FGA: variants seen among roughly 807,000 people sequenced by gnomAD.
The protein encoded by FGA is fibrinogen, A alpha polypeptide.
In FGA, 20 loss-of-function variants were observed where a neutral mutation model predicts 20.3. That is an observed-to-expected ratio of 0.99 (90% CI 0.69 to 1.43). The LOEUF is 1.43. FGA is among the 40% of genes most tolerant of loss of function. FGA has a pLI of 0.00. For missense variants in FGA, 777 were observed against 784.7 expected (o/e 0.99, Z 0.12); for synonymous variants, 306 against 281.6 (o/e 1.09, Z -0.87).
At chr4:154,589,392 G>C in intron 2 of FGA, 45 bp downstream of exon 2, 4 of 1,608,562 alleles carry the variant, frequency 2.5e-6, no homozygotes, top group Non-Finnish European at 3.4e-6. Flanking sequence ...AGCCCCTCTA[G>C]CATCAGAGGG....
At chr4:154,584,133 CA>C (rs1475573521), downstream of FGA, 2 of 1,613,540 alleles carry the variant, frequency 1.2e-6, no homozygotes, top group Admixed American at 3.3e-5. Context: ...CCTATTGGGT[CA>C]CAAGGGGCCT....
chr4:154,590,517 T>C, intron 1 of FGA, 117 bp downstream of exon 1: 10 of 890,924 alleles, frequency 1.1e-5, no homozygotes, highest in Non-Finnish European at 1.8e-5. Flanking sequence ...CTCCCAGGCC[T>C]GGGGTCATAA....
At position 154,590,672 on chromosome 4, in the gene FGA, T is replaced by C. The variant is rs2070025; in HGVS notation, c.16A>G (p.Ile6Val). The change falls in exon 1 of 5, where the codon ATC (isoleucine) becomes GTC (valine). Residue 6 changes from isoleucine (I) to valine (V), a missense_variant. Ile to Val is a conservative substitution (Grantham distance 29, BLOSUM62 3). Coordinates refer to ENST00000403106, the MANE Select transcript of FGA (RefSeq NM_021871.4). ...ACCACACTTAGGACCAGGCAGACGATCCTCATGGAAAACATCTTTTCTAAG... is the reference window on the plus strand; with the variant it reads ...ACCACACTTAGGACCAGGCAGACGACCCTCATGGAAAACATCTTTTCTAAG... MFSMR[I>V]VCLVLSVVGT... The C allele has an allele frequency of 2.8e-3, 4,371 of 1,557,848 alleles. 193 individuals are homozygous for C. The East Asian group carries it at 0.087, about 31-fold the overall frequency.
rs1262381573 is a variant in FGA, at chr4:154,586,382, A to G, written c.1047T>C (p.Pro349=). 6.2e-7 allele frequency: 1 copy of G among 1,614,050 alleles called. No individual in the cohort carries two copies. The highest frequency in any genetic ancestry group is 1.1e-5 in the South Asian group (1 of 91,090). The stretch of plus-strand genomic sequence containing the variant: ...CGGTACTACCAGGTCTAGGGCTCCC[A>G]GGGTTTTGGTTTCCAGTACTTCCAG... The part of the protein sequence containing the change: ...SGTGSTGNQN[P]GSPRPGSTGT... The change falls in exon 5 of 5, where the codon CCT becomes CCC. Residue 349 remains proline (P), a synonymous_variant. Coordinates refer to ENST00000403106, the MANE Select transcript of FGA (RefSeq NM_021871.4).
In FGA at chr4:154,586,037, G is replaced by A. The variant is rs779394316; in HGVS notation, c.1392C>T (p.Thr464=). 3.1e-6 allele frequency: 5 copies of A among 1,613,990 alleles called. No homozygotes were observed. Among genetic ancestry groups the A allele is most frequent in the East Asian group, 2.2e-5 (1 of 44,886 alleles). ...CAGGACCAATAACAGTCTTAGTAAC[G>A]GTTTTAGAGCATGAACGACGCGTGG... The part of the protein sequence containing the change: ...TTTTRRSCSK[T]VTKTVIGPDG... Residue 464 remains threonine, a synonymous_variant, in exon 5 of 5, where the codon ACC becomes ACT. Transcript: ENST00000403106.
intron 2 of FGA, 36 bp downstream of exon 2, chr4:154,589,401 G>C (rs1395702233): frequency 1.2e-6 from 2 of 1,612,680 alleles, no homozygotes; most frequent in African/African-American, 2.7e-5. Flanking sequence ...AGCATCAGAG[G>C]GAAGGAATCT....
intron 4 of FGA, 31 bp from the exon 5 acceptor site, chr4:154,586,949 A>G (rs1200419296): frequency 2.5e-6 from 4 of 1,600,872 alleles, no homozygotes; most frequent in Admixed American, 3.3e-5. Context: ...TAAAGAGAAA[A>G]TGTAGATACA....
At chr4:154,584,094 A>ACAGAGTGCTCCCATTCCCACTTCGAAGT, downstream of FGA, 3 of 1,546,384 alleles carry the variant, frequency 1.9e-6, no homozygotes, top group Non-Finnish European at 2.7e-6. Flanking sequence ...AGCAAAGAAG[A>ACAGAGTGCTCCCATTCCCACTTCGAAGT]CAGAGTGCTC....
rs960708731 is a variant in FGA, at chr4:154,586,544, C to T, written c.885G>A (p.Trp295Ter). The change falls in exon 5 of 5, where the codon TGG (tryptophan) becomes TGA (stop). Residue 295 changes from tryptophan to a stop codon, truncating the protein, a stop_gained. Transcript: ENST00000403106. LOFTEE classifies it low-confidence loss of function (END_TRUNC). ...SPRNPSSAGS[W>*]NSGSSGPGST... is the part of the protein sequence containing the mutation. ...TTCCAGGTCCAGAGCTCCCAGAGTT[C>T]CAGCTTCCAGCACTGCTAGGGTTCC... is the stretch of plus-strand genomic sequence containing the variant. 1.9e-6 allele frequency: 3 copies of T among 1,614,050 alleles called. No homozygotes were observed. Among genetic ancestry groups the T allele is most frequent in the Non-Finnish European group, 1.7e-6 (2 of 1,180,028 alleles).
chr4:154,588,845 C>A lies in FGA; in HGVS notation c.312G>T (p.Ser104=), dbSNP rs201709083. 6.2e-7 allele frequency: 1 copy of A among 1,612,060 alleles called. No homozygotes were observed. Residue 104 remains serine, a synonymous_variant, in exon 3 of 5, where the codon TCG becomes TCT. Coordinates refer to ENST00000403106, the MANE Select transcript of FGA (RefSeq NM_021871.4). The part of the protein sequence containing the change: ...EYQKNNKDSH[S]LTTNIMEILR... The stretch of plus-strand genomic sequence containing the variant: ...AAATTTCCATTATATTAGTGGTCAA[C>A]GAATGAGAATCCTTATTGTTCTTCT...
chr4:154,583,655 A>G (rs1334276280), downstream of FGA: 1 of 157,972 alleles, frequency 6.3e-6, no homozygotes, highest in Admixed American at 6.1e-5. Flanking sequence ...CATTGTAATT[A>G]TAAGTTGTAA....
downstream of FGA, chr4:154,584,565 C>G (rs1216711191): frequency 6.2e-7 from 1 of 1,614,122 alleles, no homozygotes; most frequent in African/African-American, 1.3e-5. Flanking sequence ...GAACAGAGCC[C>G]CTTTGGGTTA....
In FGA at chr4:154,585,664, A is replaced by G. The variant is rs767711736; in HGVS notation, c.1765T>C (p.Tyr589His). ...YSKQFTSSTS[Y>H]NRGDSTFESK... ...TCAAATGTGGAGTCTCCTCTGTTGTAACTCGTGCTACTAGTAAATTGTTTG... is the reference window on the plus strand; with the variant it reads ...TCAAATGTGGAGTCTCCTCTGTTGTGACTCGTGCTACTAGTAAATTGTTTG... Residue 589 changes from tyrosine (Y) to histidine (H), a missense_variant, in exon 5 of 5, where the codon TAC (tyrosine) becomes CAC (histidine). Tyr to His is a moderately conservative substitution (Grantham distance 83). Coordinates refer to ENST00000403106, the MANE Select transcript of FGA (RefSeq NM_021871.4). The G allele has an allele frequency of 6.2e-7, 1 of 1,614,158 alleles. No homozygotes were observed. The highest frequency in any genetic ancestry group is 8.5e-7 in the Non-Finnish European group (1 of 1,180,010).
downstream of FGA, chr4:154,584,256 AG>A: frequency 8.7e-6 from 14 of 1,614,126 alleles, no homozygotes; most frequent in Non-Finnish European, 1.2e-5. Context: ...AGGAGCCCCC[AG>A]GGTAGTAGAT....
chr4:154,583,695 A>G (rs1730639258), downstream of FGA: 1 of 173,524 alleles, frequency 5.8e-6, no homozygotes, highest in African/African-American at 2.4e-5. Context: ...CTATGGTTAG[A>G]TTCAGTGAGT....
In FGA at chr4:154,586,792, G is replaced by A. The variant is rs1237110626; in HGVS notation, c.637C>T (p.Leu213Phe). ...QLEQVIAKDL[L>F]PSRDRQHLPL... Reference sequence around the variant, plus strand: ...AAGTGTTGCCTATCTCTAGAGGGAAGTAAGTCTTTGGCAATGACCTGTTCA... The same window carrying A: ...AAGTGTTGCCTATCTCTAGAGGGAAATAAGTCTTTGGCAATGACCTGTTCA... The change falls in exon 5 of 5, where the codon CTT (leucine) becomes TTT (phenylalanine). Residue 213 changes from leucine (L) to phenylalanine (F), a missense_variant. Coordinates refer to ENST00000403106, the MANE Select transcript of FGA (RefSeq NM_021871.4). 2 of 1,614,020 alleles carry A rather than the reference G, an allele frequency of 1.2e-6. No homozygotes were observed. Among genetic ancestry groups the A allele is most frequent in the Non-Finnish European group, 1.7e-6 (2 of 1,180,018 alleles).
At chr4:154,584,526 C>T (rs1355889732), downstream of FGA, 4 of 1,614,078 alleles carry the variant, frequency 2.5e-6, no homozygotes, top group African/African-American at 5.3e-5. Context: ...AAGCTTCATT[C>T]CCAGCCCAGT....
chr4:154,583,628 T>C (rs189163227), downstream of FGA: 158 of 155,520 alleles, frequency 1.0e-3, no homozygotes, highest in Non-Finnish European at 2.0e-3. Context: ...AAATACATAT[T>C]GTAATTATAA....
At position 154,588,845 on chromosome 4, in the gene FGA, C is replaced by T. The variant is rs201709083; in HGVS notation, c.312G>A (p.Ser104=). 2.7e-5 allele frequency: 43 copies of T among 1,612,178 alleles called. No individual in the cohort carries two copies. The highest frequency in any genetic ancestry group is 8.0e-5 in the African/African-American group (6 of 74,970). ...AAATTTCCATTATATTAGTGGTCAA[C>T]GAATGAGAATCCTTATTGTTCTTCT... is the stretch of plus-strand genomic sequence containing the variant. ...EYQKNNKDSH[S]LTTNIMEILR... The change falls in exon 3 of 5, where the codon TCG becomes TCA. Residue 104 remains serine, a synonymous_variant. Transcript: ENST00000403106.
Sources: gnomAD v4.1 joint callset for allele counts on GRCh38, gnomAD v4.1.1 for gene constraint, MANE v1.5 for transcripts, NCBI Gene and HGNC (gene_info 2026-07-23, HGNC 2026-07-21) for gene names.